Variants in FMN2 observed in about 807,000 individuals in gnomAD.
FMN2 encodes the protein formin 2, also known as formin-2.
A neutral mutation model predicts 142.3 loss-of-function variants in FMN2; 51 were observed. The observed-to-expected ratio is 0.36, with a 90% confidence interval of 0.29 to 0.45. FMN2 has a LOEUF of 0.45. Among genes scored for constraint, FMN2 ranks in the 20% least tolerant of loss-of-function variants. The pLI is 1.00. For missense variants in FMN2, 1,936 were observed against 2,122.8 expected (o/e 0.91, Z 1.73); for synonymous variants, 882 against 869.8 (o/e 1.01, Z -0.25).
At chr1:240,185,371 C>A (rs1325927895) in intron 3 of FMN2, among the ~76,000 whole-genome samples, 1 of 152,080 alleles carries the variant, frequency 6.6e-6, no homozygotes, top group Non-Finnish European at 1.5e-5. Context: ...TATTTTCCAG[C>A]TTATGATTTT....
chr1:240,153,385 G>GT (rs58725251), intron 2 of FMN2, among the ~76,000 whole-genome samples: 37,022 of 124,220 alleles, frequency 0.3, 6,423 homozygotes, highest in African/African-American at 0.4. Context: ...TGTATTTACA[G>GT]TTTTTTTTTT....
chr1:240,104,643 G>C (rs1401775314), intron 1 of FMN2, among the ~76,000 whole-genome samples: 13 of 152,102 alleles, frequency 8.5e-5, no homozygotes, highest in African/African-American at 3.1e-4. Context: ...CTGAGTTGCA[G>C]ACCTCATTCT....
At position 240,166,646 on chromosome 1, in the gene FMN2, C is replaced by T. The variant is rs190150199; in HGVS notation, c.1783-11275C>T. Among the ~76,000 whole-genome samples the T allele has an allele frequency of 2.3e-3, 347 of 152,206 alleles. 4 individuals carry two copies. Among genetic ancestry groups the T allele is most frequent in the African/African-American group, 7.8e-3 (325 of 41,512 alleles). On this transcript the variant is annotated intron_variant, in intron 2 of 17. Transcript: ENST00000319653. ...GTGATTTTAATAGCTCTTGATTGTC[C>T]CACTATATGTACAAATTAAATTTTT...
chr1:240,353,003 G>A (rs1302166451), intron 13 of FMN2, among the ~76,000 whole-genome samples: 2 of 152,128 alleles, frequency 1.3e-5, no homozygotes, highest in Non-Finnish European at 2.9e-5. Context: ...TAGGAGTTCT[G>A]TAAACACTAG....
intron 2 of FMN2, chr1:240,144,720 C>A (rs1663360666): frequency 1.5e-6 from 2 of 1,309,678 alleles, no homozygotes; most frequent in Admixed American, 3.4e-5. Context: ...TCATCAATGT[C>A]CTTCTCCAGC....
chr1:240,191,175 T>C (rs1206168133), intron 4 of FMN2, among the ~76,000 whole-genome samples: 1 of 152,264 alleles, frequency 6.6e-6, no homozygotes, highest in Non-Finnish European at 1.5e-5. Flanking sequence ...ATTCTTCAGA[T>C]GTGTGTTCAG....
At position 240,092,058 on chromosome 1, in the gene FMN2, C is replaced by T. The variant is rs1425129427; in HGVS notation, c.-52C>T. 5.3e-6 allele frequency: 8 copies of T among 1,508,878 alleles called. No homozygotes were observed. The highest frequency in any genetic ancestry group is 4.1e-4 in the Middle Eastern group (2 of 4,858). 93.5% of individuals were successfully genotyped at this position (1,508,878 alleles called of 1,614,324 possible). On this transcript the variant is annotated 5_prime_UTR_variant, in exon 1 of 18. Transcript: ENST00000319653. The stretch of plus-strand genomic sequence containing the variant: ...GGCCCGGACCTGGGGCCGAGGAGGG[C>T]CGGGATGGCCTGAGTGCCCGCGGCG...
intron 16 of FMN2, among the ~76,000 whole-genome samples, chr1:240,456,704 C>T (rs1401534775): frequency 1.3e-5 from 2 of 152,194 alleles, no homozygotes; most frequent in Admixed American, 6.5e-5. Flanking sequence ...GATTCACACA[C>T]CTCGGCCTCC....
At chr1:240,198,457 GAA>G (rs1666003355) in intron 4 of FMN2, among the ~76,000 whole-genome samples, 1 of 152,156 alleles carries the variant, frequency 6.6e-6, no homozygotes, top group Non-Finnish European at 1.5e-5. Context: ...TGAAGGAATG[GAA>G]AGAGATTTGC....
intron 7 of FMN2, among the ~76,000 whole-genome samples, chr1:240,283,650 C>T (rs951074775): frequency 2.6e-5 from 4 of 152,136 alleles, no homozygotes; most frequent in African/African-American, 9.7e-5. Flanking sequence ...TAAAAATCTT[C>T]TTGGAGCGAC....
intron 13 of FMN2, among the ~76,000 whole-genome samples, chr1:240,336,292 T>C (rs138388049): frequency 0.01 from 1,583 of 152,248 alleles, 38 homozygotes; most frequent in African/African-American, 0.037. Flanking sequence ...TGAAGGAGCA[T>C]CTTAGCAATT....
chr1:240,209,589 A>G (rs1215495663), intron 5 of FMN2, among the ~76,000 whole-genome samples: 1 of 150,380 alleles, frequency 6.6e-6, no homozygotes, highest in Non-Finnish European at 1.5e-5. Context: ...ACTCTGGAGC[A>G]TGATTTAGTG....
At chr1:240,211,052 G>A (rs749973995) in intron 5 of FMN2, 39 bp from the exon 6 acceptor site, 3 of 1,575,102 alleles carry the variant, frequency 1.9e-6, no homozygotes, top group Non-Finnish European at 2.6e-6. Context: ...TGTAAGTTCA[G>A]TTTGATGGCT....
rs769266902 is a variant in FMN2, at chr1:240,207,455, C to T, written c.2643C>T (p.Pro881=). The part of the protein sequence containing the change: ...PGLGMVPPPP[P]PLPGMTVPTL... ...TGGGCATGGTGCCTCCCCCACCTCC[C>T]CCTCTCCCTGGCATGACAGTGCCTA... The change falls in exon 5 of 18, where the codon CCC becomes CCT. Residue 881 remains proline (P), a synonymous_variant. Transcript: ENST00000319653. The T allele has an allele frequency of 6.2e-7, 1 of 1,613,548 alleles. No individual in the cohort carries two copies. The highest frequency in any genetic ancestry group is 8.5e-7 in the Non-Finnish European group (1 of 1,179,736).
At chr1:240,377,703 T>TG (rs1251225509) in intron 14 of FMN2, among the ~76,000 whole-genome samples, 1 of 152,166 alleles carries the variant, frequency 6.6e-6, no homozygotes, top group African/African-American at 2.4e-5. Context: ...AAGGACCCAG[T>TG]GATTGCACTG....
intron 1 of FMN2, among the ~76,000 whole-genome samples, chr1:240,122,112 G>GA (rs372373604): frequency 6.6e-6 from 1 of 150,790 alleles, no homozygotes; most frequent in African/African-American, 2.4e-5. Flanking sequence ...TTTTGAGACA[G>GA]GCAACACTCT....
intron 7 of FMN2, among the ~76,000 whole-genome samples, chr1:240,265,916 TG>T (rs1290873909): frequency 3.8e-5 from 4 of 103,924 alleles, no homozygotes; most frequent in Non-Finnish European, 5.7e-5. Flanking sequence ...TAAAGGGGTT[TG>T]TTTTTTTTTT....
At chr1:240,176,850 G>C (rs1400339071) in intron 2 of FMN2, among the ~76,000 whole-genome samples, 1 of 152,140 alleles carries the variant, frequency 6.6e-6, no homozygotes, top group African/African-American at 2.4e-5. Context: ...TTCTCAGTTA[G>C]GACCAATGAC....
chr1:240,257,871 G>T (rs1668499741), intron 6 of FMN2, 74 bp from the exon 7 acceptor site: 2 of 1,225,626 alleles, frequency 1.6e-6, no homozygotes, highest in Non-Finnish European at 2.4e-6. Context: ...CTTCATTTAG[G>T]ATTTTTTAAA....
Sources: gnomAD v4.1 joint callset for allele counts (sites outside exome capture counted in the v4.1 genomes callset) on GRCh38, gnomAD v4.1.1 for gene constraint, MANE v1.5 for transcripts, NCBI Gene and HGNC (gene_info 2026-07-23, HGNC 2026-07-21) for gene names.